The following ZNF385D variants were observed in gnomAD, a reference collection of about 807,000 sequenced individuals.
ZNF385D encodes the protein zinc finger protein 659.
Under a neutral mutation model 35.8 loss-of-function variants are expected in ZNF385D, and 15 were observed. The observed-to-expected ratio is 0.42, with a 90% CI of 0.28 to 0.64. The LOEUF is 0.64. ZNF385D is among the 30% of genes least tolerant of loss of function. The pLI, the probability that ZNF385D is intolerant of heterozygous loss-of-function variation, is 0.23. For synonymous variants in ZNF385D, 212 were observed against 186.8 expected, an observed-to-expected ratio of 1.13 and a Z score of -1.10; for missense variants, 474 against 494.6, an observed-to-expected ratio of 0.96 and a Z score of 0.39.
intron 2 of ZNF385D, among the ~76,000 whole-genome samples, chr3:22,262,471 T>A (rs921546168): frequency 2.6e-5 from 4 of 151,950 alleles, no homozygotes; most frequent in Admixed American, 6.6e-5. Context: ...ATATTAAGAA[T>A]AAAGAGAAAA....
At chr3:21,979,522 C>T (rs1011046142) in intron 3 of ZNF385D, 20 of 152,218 alleles carry the variant, frequency 1.3e-4, no homozygotes, top group African/African-American at 4.8e-4. Context: ...TAGTTTTTTA[C>T]AAAATATGTG....
intron 3 of ZNF385D, among the ~76,000 whole-genome samples, chr3:21,971,274 T>G (rs577979331): frequency 6.6e-6 from 1 of 151,898 alleles, no homozygotes. Context: ...ACTTAAGACA[T>G]AGCATAATAA....
chr3:22,171,723 A>G (rs1490232914), intron 2 of ZNF385D, among the ~76,000 whole-genome samples: 3 of 151,852 alleles, frequency 2.0e-5, no homozygotes, highest in Non-Finnish European at 4.4e-5. Flanking sequence ...AAAAAATACA[A>G]GAAATTAGCC....
chr3:22,091,454 T>A (rs1701326232), intron 3 of ZNF385D, among the ~76,000 whole-genome samples: 1 of 152,090 alleles, frequency 6.6e-6, no homozygotes, highest in African/African-American at 2.4e-5. Context: ...AGTGAGCATA[T>A]CTAACTGGCA....
intron 3 of ZNF385D, among the ~76,000 whole-genome samples, chr3:21,871,955 C>G (rs1388763174): frequency 6.6e-6 from 1 of 151,956 alleles, no homozygotes; most frequent in Non-Finnish European, 1.5e-5. Context: ...CAAGATTGCA[C>G]CACTGCACTC....
At chr3:21,799,589 A>C (rs2125681260) in intron 3 of ZNF385D, among the ~76,000 whole-genome samples, 1 of 152,180 alleles carries the variant, frequency 6.6e-6, no homozygotes, top group African/African-American at 2.4e-5. Flanking sequence ...AAGGCTATTC[A>C]AGTCTGTTGT....
rs55872870 is a variant in ZNF385D, at chr3:21,681,298, TAAAAAAAA to T, written c.23-16278_23-16271del. ...AGCCTATGTGAATATATTCCATCAG[TAAAAAAAA>T]AAAAAAAAAAAAAAAAAACCTACAT... is the stretch of plus-strand genomic sequence containing the variant. On this transcript the variant is annotated intron_variant, in intron 1 of 7. Coordinates refer to ENST00000281523, the MANE Select transcript of ZNF385D (RefSeq NM_024697.3). 1.4e-4 allele frequency among the ~76,000 whole-genome samples: 9 copies of T among 64,472 alleles called. No individual in the cohort carries two copies. In the South Asian group the frequency reaches 5.9e-3, roughly 43 times the overall value. The allele number at this position is 64,472 out of a possible 152,430, so 42.3% of individuals were successfully genotyped here.
chr3:21,641,587 G>A (rs779853465), intron 2 of ZNF385D, among the ~76,000 whole-genome samples: 58 of 148,756 alleles, frequency 3.9e-4, no homozygotes, highest in African/African-American at 1.4e-3. Flanking sequence ...CTCTATGACT[G>A]GACAATGTAA....
intron 3 of ZNF385D, among the ~76,000 whole-genome samples, chr3:21,514,361 T>C (rs1163706139): frequency 6.6e-6 from 1 of 152,200 alleles, no homozygotes; most frequent in Non-Finnish European, 1.5e-5. Context: ...CGAGTGATCA[T>C]AGTACATATG....
At chr3:21,449,669 T>C (rs947632877) in intron 4 of ZNF385D, among the ~76,000 whole-genome samples, 44 of 152,226 alleles carry the variant, frequency 2.9e-4, no homozygotes, top group Non-Finnish European at 8.8e-5. Context: ...TAAGATCTTA[T>C]TTCTTGTATA....
At chr3:22,249,566 T>C (rs1430393638) in intron 2 of ZNF385D, among the ~76,000 whole-genome samples, 1 of 152,180 alleles carries the variant, frequency 6.6e-6, no homozygotes, top group Admixed American at 6.6e-5. Flanking sequence ...TATCTTACCA[T>C]GCATCACTCC....
intron 3 of ZNF385D, chr3:21,877,759 AC>A (rs1284138197): frequency 1.3e-5 from 2 of 152,080 alleles, no homozygotes; most frequent in Admixed American, 6.6e-5. Flanking sequence ...AATTAACTCC[AC>A]CAATGCGGAC....
At chr3:21,941,944 T>C (rs373013572) in intron 3 of ZNF385D, among the ~76,000 whole-genome samples, 2 of 152,194 alleles carry the variant, frequency 1.3e-5, no homozygotes, top group Non-Finnish European at 2.9e-5. Context: ...CAAAGTCCCA[T>C]AGCTAGAAGC....
intron 2 of ZNF385D, among the ~76,000 whole-genome samples, chr3:22,179,861 A>T (rs1199683974): frequency 6.6e-6 from 1 of 152,204 alleles, no homozygotes; most frequent in Non-Finnish European, 1.5e-5. Context: ...ACACCCTAAC[A>T]TCACAATTAA....
intron 3 of ZNF385D, among the ~76,000 whole-genome samples, chr3:22,120,520 G>C (rs1009000198): frequency 2.0e-5 from 3 of 152,090 alleles, no homozygotes; most frequent in East Asian, 1.9e-4. Flanking sequence ...ACTTGGAAGA[G>C]ACACAATTCA....
intron 2 of ZNF385D, among the ~76,000 whole-genome samples, chr3:21,604,958 C>T (rs2064432343): frequency 1.3e-5 from 2 of 152,144 alleles, no homozygotes; most frequent in Non-Finnish European, 2.9e-5. Flanking sequence ...GAGAACAGAA[C>T]ACTAGAGGAT....
chr3:22,129,667 G>A (rs895695517), intron 3 of ZNF385D, among the ~76,000 whole-genome samples: 5 of 151,530 alleles, frequency 3.3e-5, no homozygotes, highest in African/African-American at 1.2e-4. Context: ...AGACCCAAGG[G>A]CTCTTTAGTC....
intron 3 of ZNF385D, among the ~76,000 whole-genome samples, chr3:21,553,841 G>A (rs556902515): frequency 2.6e-5 from 4 of 152,216 alleles, no homozygotes; most frequent in South Asian, 2.1e-4. Flanking sequence ...TTCAAAAGAA[G>A]CATCTCCTCC....
At chr3:22,240,118 G>A (rs1699407820) in intron 2 of ZNF385D, among the ~76,000 whole-genome samples, 1 of 146,274 alleles carries the variant, frequency 6.8e-6, no homozygotes. Flanking sequence ...AGGAGGTCAA[G>A]GCTGCAGTGA....
Sources: allele counts gnomAD v4.1 joint callset (sites outside exome capture counted in the v4.1 genomes callset), GRCh38; gene constraint gnomAD v4.1.1; transcripts MANE v1.5; gene names NCBI Gene and HGNC (gene_info 2026-07-23, HGNC 2026-07-21).